TULP1: variants seen among roughly 807,000 people sequenced by gnomAD.
TULP1 encodes the protein TUB like protein 1, also known as tubby-related protein 1.
TULP1 carries 50 observed loss-of-function variants against 67.1 expected under a neutral mutation model. The observed-to-expected ratio is 0.75, with a 90% CI of 0.59 to 0.94. The LOEUF is 0.94. TULP1 is among the 40% of genes least tolerant of loss of function. The probability of loss-of-function intolerance (pLI) is 0.00; values close to 1 mark genes in which losing one functional copy is unlikely to be tolerated. For synonymous variants in TULP1, 297 were observed against 294.0 expected, an observed-to-expected ratio of 1.01 and a Z score of -0.11; for missense variants, 746 against 734.1, an observed-to-expected ratio of 1.02 and a Z score of -0.19.
chr6:35,509,101 G>A (rs1227090675), intron 8 of TULP1, 108 bp downstream of exon 8: 4 of 962,514 alleles, frequency 4.2e-6, no homozygotes, highest in Non-Finnish European at 6.8e-6. Flanking sequence ...GGGAGCCAAG[G>A]TTCTAACCTC....
In TULP1 at chr6:35,510,862, C is replaced by T. The variant is rs1241969181; in HGVS notation, c.498G>A (p.Arg166=). The T allele has an allele frequency of 2.5e-6, 4 of 1,613,896 alleles. No individual in the cohort carries two copies. The highest frequency in any genetic ancestry group is 3.4e-6 in the Non-Finnish European group (4 of 1,180,008). The change falls in exon 5 of 15, where the codon AGG becomes AGA. Residue 166 remains arginine (R), a splice_region_variant and synonymous_variant. Transcript: ENST00000229771. ...TCTCTCAGCACCCTCAGCACCCACC[C>T]CTTGGGCCCTGGGCCTTGGCCCTCC... is the stretch of plus-strand genomic sequence containing the variant. The part of the protein sequence containing the change: ...KERRAKAQGP[R]GDLGSPDPPP...
At chr6:35,506,250 G>A (rs771175560) in intron 9 of TULP1, 24 bp downstream of exon 9, 25 of 1,598,882 alleles carry the variant, frequency 1.6e-5, no homozygotes, top group Non-Finnish European at 1.8e-5. Context: ...GCTGAGACAC[G>A]GGCAGCCCGG....
intron 13 of TULP1, among the ~76,000 whole-genome samples, chr6:35,501,734 C>T (rs1191905939): frequency 6.6e-6 from 1 of 152,172 alleles, no homozygotes; most frequent in African/African-American, 2.4e-5. Context: ...ATCTCTTGAA[C>T]CTGGGAAGTA....
At position 35,505,803 on chromosome 6, in the gene TULP1, G is replaced by A. The variant is rs1417612867; in HGVS notation, c.1050C>T (p.Tyr350=). 4 of 1,614,214 alleles carry A rather than the reference G, an allele frequency of 2.5e-6. No homozygotes were observed. The Admixed American group carries it at 6.7e-5, about 27-fold the overall frequency. The change falls in exon 11 of 15, where the codon TAC becomes TAT. Residue 350 remains tyrosine, a synonymous_variant. Coordinates refer to ENST00000229771, the MANE Select transcript of TULP1 (RefSeq NM_003322.6). The stretch of plus-strand genomic sequence containing the variant: ...GATTGGTAGGGTCGATGGAGATGAG[G>A]TAATTGGCTGTCTTGCTCCGTTTTC... ...RKRKRSKTAN[Y]LISIDPTNLS... is the part of the protein sequence containing the mutation.
chr6:35,506,220 C>A, intron 9 of TULP1, 47 bp from the exon 10 acceptor site: 2 of 1,610,220 alleles, frequency 1.2e-6, no homozygotes, highest in Non-Finnish European at 1.7e-6. Context: ...CCAGCTCCCC[C>A]GCTCCCAGCA....
At chr6:35,504,758 G>A (rs941491334) in intron 11 of TULP1, among the ~76,000 whole-genome samples, 3 of 151,612 alleles carry the variant, frequency 2.0e-5, no homozygotes, top group African/African-American at 4.9e-5. Flanking sequence ...AGTAGAGACG[G>A]GGTTTCGCTG....
chr6:35,507,533 G>A (rs1415582899), intron 8 of TULP1, among the ~76,000 whole-genome samples: 2 of 152,214 alleles, frequency 1.3e-5, no homozygotes, highest in African/African-American at 4.8e-5. Context: ...GAATATGTAA[G>A]CTCACTTTGC....
rs1761206862 is a variant in TULP1, at chr6:35,511,704, T to C, written c.293A>G (p.Lys98Arg). Residue 98 changes from lysine to arginine, a missense_variant, in exon 4 of 15, where the codon AAG (lysine) becomes AGG (arginine). This residue lies in a region of TULP1 where 359 missense variants were observed against 341.9 expected (regional missense o/e 1.05). Coordinates refer to ENST00000229771, the MANE Select transcript of TULP1 (RefSeq NM_003322.6). ...AAAGGTTTCCCGGGGGTCGCGCTTC[T>C]TGGCCTCGGGGTCCCTGAGGAACCT... ...YARFLRDPEAKKRDPRETFLV... is the reference protein window; with the variant it reads ...YARFLRDPEARKRDPRETFLV... The C allele has an allele frequency of 6.3e-7, 1 of 1,593,542 alleles. No individual in the cohort carries two copies. The highest frequency in any genetic ancestry group is 8.5e-7 in the Non-Finnish European group (1 of 1,170,134).
chr6:35,500,246 C>G, intron 13 of TULP1, 94 bp from the exon 14 acceptor site: 1 of 1,387,128 alleles, frequency 7.2e-7, no homozygotes, highest in East Asian at 2.3e-5. Flanking sequence ...GGCATGTGTG[C>G]ACAGGGGTGT....
chr6:35,501,509 G>GAAAAAA lies in TULP1; in HGVS notation c.1324-1363_1324-1358dup, dbSNP rs67875217. On this transcript the variant is annotated intron_variant, in intron 13 of 14. Coordinates refer to ENST00000229771, the MANE Select transcript of TULP1 (RefSeq NM_003322.6). Reference sequence around the variant, plus strand: ...AGACCCAGAGTGAGACTCGGTCTCAGAAAAAAAAAAAAAAAAAAAAGGCTG... The same window carrying GAAAAAA: ...AGACCCAGAGTGAGACTCGGTCTCAGAAAAAAAAAAAAAAAAAAAAAAAAAAGGCTG... Among the ~76,000 whole-genome samples, 34 of 88,728 alleles carry GAAAAAA rather than the reference G, an allele frequency of 3.8e-4. 4 individuals carry two copies. Among genetic ancestry groups the GAAAAAA allele is most frequent in the African/African-American group, 5.5e-4 (11 of 19,980 alleles). 58.2% of individuals were successfully genotyped at this position (88,728 alleles called of 152,430 possible).
rs1382863848 is a variant in TULP1 at position 35,503,931 on chromosome 6, T to C, written c.1113-83A>G. ...GCCCCTTCCACACAGCCAAGCAGTTTAGAGAGCTTCCTACAAGGGTGGGGG... is the reference window on the plus strand; with the variant it reads ...GCCCCTTCCACACAGCCAAGCAGTTCAGAGAGCTTCCTACAAGGGTGGGGG... On this transcript the variant is annotated intron_variant, in intron 11 of 14. Transcript: ENST00000229771. This position sits in a 1 kb window ranked among gnomAD's most constrained non-coding sequence, Gnocchi z 4.0. 9.4e-7 allele frequency: 1 copy of C among 1,063,810 alleles called. No individual in the cohort carries two copies. The highest frequency in any genetic ancestry group is 1.6e-5 in the African/African-American group (1 of 63,920). The allele number at this position is 1,063,810 out of a possible 1,614,324, so 65.9% of individuals were successfully genotyped here.
chr6:35,500,073 C>G lies in TULP1; in HGVS notation c.1403G>C (p.Trp468Ser), dbSNP rs1768800317. 1 of 1,614,166 alleles carries G rather than the reference C, an allele frequency of 6.2e-7. No individual in the cohort carries two copies. Among genetic ancestry groups the G allele is most frequent in the Non-Finnish European group, 8.5e-7 (1 of 1,180,026 alleles). The part of the protein sequence containing the change: ...LIELHNKPPV[W>S]NDDSGSYTLN... The stretch of plus-strand genomic sequence containing the variant: ...GGTGTAGGAGCCACTGTCATCGTTC[C>G]AGACAGGTGGCTTGTTGTGCAGTTC... The change falls in exon 14 of 15, where the codon TGG (tryptophan) becomes TCG (serine). Residue 468 changes from tryptophan (W) to serine (S), a missense_variant. By Grantham distance (177) the Trp-to-Ser change is radical. Transcript: ENST00000229771.
Position 35,511,824 on chromosome 6 carries a change from G to A in TULP1, c.191-18C>T, listed in dbSNP as rs1761211554. The A allele has an allele frequency of 2.0e-6, 3 of 1,529,062 alleles. No individual in the cohort carries two copies. Among genetic ancestry groups the A allele is most frequent in the African/African-American group, 1.4e-5 (1 of 72,548 alleles). 94.7% of individuals were successfully genotyped at this position (1,529,062 alleles called of 1,614,324 possible). ...CCGCCCAGCTGAGCCGAGATGCGGGGTTCAGACAGGGTCCCATCCGCGGGT... is the reference window on the plus strand; with the variant it reads ...CCGCCCAGCTGAGCCGAGATGCGGGATTCAGACAGGGTCCCATCCGCGGGT... On this transcript the variant is annotated intron_variant, in intron 3 of 14. Coordinates refer to ENST00000229771, the MANE Select transcript of TULP1 (RefSeq NM_003322.6).
chr6:35,504,718 C>T lies in TULP1; in HGVS notation c.1113-870G>A, dbSNP rs548026594. ...TGGGACTACAGGGCCTGCCAGCACG[C>T]TGGGCTAATTTTTTTTTTTTTGTAT... On this transcript the variant is annotated intron_variant, in intron 11 of 14. Coordinates refer to ENST00000229771, the MANE Select transcript of TULP1 (RefSeq NM_003322.6). Among the ~76,000 whole-genome samples, 5 of 151,386 alleles carry T rather than the reference C, an allele frequency of 3.3e-5. No homozygotes were observed. In the East Asian group the frequency reaches 9.8e-4, roughly 30 times the overall value.
intron 13 of TULP1, among the ~76,000 whole-genome samples, chr6:35,501,645 C>T (rs932458847): frequency 4.0e-5 from 6 of 151,804 alleles, no homozygotes; most frequent in African/African-American, 1.2e-4. Context: ...AACCGCGTCT[C>T]TACTGAAAAT....
chr6:35,497,952 G>A lies in TULP1; in HGVS notation c.*375C>T. 3.1e-6 allele frequency: 1 copy of A among 324,590 alleles called. No individual in the cohort carries two copies. The highest frequency in any genetic ancestry group is 9.2e-4 in the Middle Eastern group (1 of 1,086). 20.1% of individuals were successfully genotyped at this position (324,590 alleles called of 1,614,324 possible). On this transcript the variant is annotated 3_prime_UTR_variant, in exon 15 of 15. Coordinates refer to ENST00000229771, the MANE Select transcript of TULP1 (RefSeq NM_003322.6). ...ATCACCTACCCCCTCCTCCTAGCCC[G>A]CCCCAGCTCCTCGGAGCCCTAGCGC... is the stretch of plus-strand genomic sequence containing the variant.
chr6:35,500,482 C>T (rs1320568496), intron 13 of TULP1, among the ~76,000 whole-genome samples: 2 of 152,108 alleles, frequency 1.3e-5, no homozygotes, highest in Non-Finnish European at 2.9e-5. Context: ...CAGGATGAGC[C>T]AATCTTGGAC....
Position 35,503,097 on chromosome 6 carries a change from C to G in TULP1, c.1323+462G>C, listed in dbSNP as rs1434829402. Reference sequence around the variant, plus strand: ...GGACTATAGGCGCCCGCCACCATGCCCGGCTAATTTTTTTGTATTTTTAGT... The same window carrying G: ...GGACTATAGGCGCCCGCCACCATGCGCGGCTAATTTTTTTGTATTTTTAGT... On this transcript the variant is annotated intron_variant, in intron 13 of 14. Transcript: ENST00000229771. The surrounding 1 kb of genome is among the most constrained non-coding windows in gnomAD (Gnocchi z 4.0). Among the ~76,000 whole-genome samples, 1 of 151,976 alleles carries G rather than the reference C, an allele frequency of 6.6e-6. No homozygotes were observed. Among genetic ancestry groups the G allele is most frequent in the Non-Finnish European group, 1.5e-5 (1 of 68,004 alleles).
Position 35,512,895 on chromosome 6 carries a change from C to A in TULP1, c.-37G>T. 1 of 1,610,488 alleles carries A rather than the reference C, an allele frequency of 6.2e-7. No homozygotes were observed. The highest frequency in any genetic ancestry group is 8.5e-7 in the Non-Finnish European group (1 of 1,179,424). On this transcript the variant is annotated 5_prime_UTR_variant, in exon 1 of 15. Coordinates refer to ENST00000229771, the MANE Select transcript of TULP1 (RefSeq NM_003322.6). ...CTATCGCACCCCTTTCTCTGCAGGT[C>A]TAGGAGCCTCCCTCCCGACTCCTGC...
Sources: gnomAD v4.1 joint callset for allele counts (sites outside exome capture counted in the v4.1 genomes callset) on GRCh38, gnomAD v4.1.1 for gene constraint, gnomAD v4.1.1 regional missense constraint, Gnocchi (gnomAD v3.1) non-coding constraint, MANE v1.5 for transcripts, NCBI Gene and HGNC (gene_info 2026-07-23, HGNC 2026-07-21) for gene names.